Variants in ZMAT4 observed in about 807,000 individuals in gnomAD.
The protein encoded by ZMAT4 is zinc finger matrin-type protein 4.
In ZMAT4, 17 loss-of-function variants were observed where a neutral mutation model predicts 28.7. The observed-to-expected ratio is 0.59, with a 90% CI of 0.41 to 0.89. The LOEUF (loss-of-function observed/expected upper bound fraction) is 0.89, where lower values mean the gene tolerates loss of function less well. Ranked by LOEUF, ZMAT4 falls within the 40% of genes least tolerant of loss-of-function variation. The pLI is 0.00. For missense variants in ZMAT4, 240 were observed against 283.8 expected, an observed-to-expected ratio of 0.85 and a Z score of 1.11; for synonymous variants, 117 against 109.2, an observed-to-expected ratio of 1.07 and a Z score of -0.44.
chr8:40,625,054 C>T (rs67450586), intron 5 of ZMAT4, among the ~76,000 whole-genome samples: 32,624 of 152,084 alleles, frequency 0.21, 3,639 homozygotes, highest in Middle Eastern at 0.27. Flanking sequence ...TCTGAAAAAG[C>T]GACATTTGAG....
At position 40,691,196 on chromosome 8, in the gene ZMAT4, G is replaced by A. The variant is rs149731960; in HGVS notation, c.349+6049C>T. ...TAAATGTGTCTGATTTAATATAAAT[G>A]TTTGATTCATTAACTTTAAACTCAC... On this transcript the variant is annotated intron_variant, in intron 4 of 6. Coordinates refer to ENST00000297737, the MANE Select transcript of ZMAT4 (RefSeq NM_024645.3). Among the ~76,000 whole-genome samples, 519 of 152,204 alleles carry A rather than the reference G, an allele frequency of 3.4e-3. 5 individuals are homozygous for A. The highest frequency in any genetic ancestry group is 0.012 in the African/African-American group (497 of 41,530).
chr8:40,586,116 G>A (rs1405112502), intron 5 of ZMAT4, among the ~76,000 whole-genome samples: 3 of 152,182 alleles, frequency 2.0e-5, no homozygotes, highest in Non-Finnish European at 4.4e-5. Context: ...CAAGAACAAA[G>A]ACAGAGAAGG....
chr8:40,709,137 A>G (rs1810493975), intron 3 of ZMAT4, among the ~76,000 whole-genome samples: 1 of 152,236 alleles, frequency 6.6e-6, no homozygotes, highest in Admixed American at 6.5e-5. Context: ...ATCCTCCTGT[A>G]GACTTTAAAT....
chr8:40,638,726 T>C (rs1372922459), intron 5 of ZMAT4, among the ~76,000 whole-genome samples: 1 of 152,238 alleles, frequency 6.6e-6, no homozygotes, highest in Non-Finnish European at 1.5e-5. Flanking sequence ...AAAAAGTTTC[T>C]GATCCTATGG....
At chr8:40,823,559 T>C (rs1436542953) in intron 2 of ZMAT4, among the ~76,000 whole-genome samples, 1 of 152,128 alleles carries the variant, frequency 6.6e-6, no homozygotes, top group East Asian at 1.9e-4. Context: ...CTGGGGAGGC[T>C]GAGGCAGGAG....
At chr8:40,834,981 G>T (rs1017535855) in intron 1 of ZMAT4, among the ~76,000 whole-genome samples, 4 of 152,238 alleles carry the variant, frequency 2.6e-5, no homozygotes, top group Non-Finnish European at 4.4e-5. Context: ...AATGCACCCA[G>T]CTGATGGGTC....
At chr8:40,658,576 ATTGT>A (rs756905162) in intron 5 of ZMAT4, among the ~76,000 whole-genome samples, 31 of 150,606 alleles carry the variant, frequency 2.1e-4, no homozygotes, top group Non-Finnish European at 3.8e-4. Flanking sequence ...CCATTGGTAC[ATTGT>A]TTAGTTATCA....
At chr8:40,800,483 T>G (rs1814790397) in intron 2 of ZMAT4, among the ~76,000 whole-genome samples, 1 of 152,190 alleles carries the variant, frequency 6.6e-6, no homozygotes, top group Non-Finnish European at 1.5e-5. Context: ...AGCCACATTC[T>G]GGCTTTAAAA....
intron 6 of ZMAT4, 56 bp from the exon 7 acceptor site, chr8:40,532,294 A>G (rs575075918): frequency 6.6e-7 from 1 of 1,511,824 alleles, no homozygotes; most frequent in Non-Finnish European, 9.0e-7. Flanking sequence ...AAATTCCAAC[A>G]CCTCTTTCTC....
At chr8:40,767,844 T>TCTA in intron 2 of ZMAT4, 114 bp from the exon 3 acceptor site, 1 of 788,942 alleles carries the variant, frequency 1.3e-6, no homozygotes, top group Non-Finnish European at 2.0e-6. Flanking sequence ...AGAAGACACT[T>TCTA]CTGCATACTC....
At chr8:40,895,020 T>C (rs997488662) in intron 1 of ZMAT4, among the ~76,000 whole-genome samples, 1 of 152,252 alleles carries the variant, frequency 6.6e-6, no homozygotes. Flanking sequence ...GATATGTTTA[T>C]GATGAAAAGG....
intron 3 of ZMAT4, among the ~76,000 whole-genome samples, chr8:40,717,800 A>G (rs1810921691): frequency 6.6e-6 from 1 of 152,206 alleles, no homozygotes; most frequent in South Asian, 2.1e-4. Context: ...CTACTTTACT[A>G]AAGTTATGGT....
chr8:40,849,055 C>T (rs1405321942), intron 1 of ZMAT4, among the ~76,000 whole-genome samples: 1 of 152,228 alleles, frequency 6.6e-6, no homozygotes, highest in African/African-American at 2.4e-5. Flanking sequence ...GCTGGAGGTG[C>T]CGTCCCATCC....
chr8:40,589,727 C>CCTTCCTTT (rs1563353800), intron 5 of ZMAT4, among the ~76,000 whole-genome samples: 3 of 49,496 alleles, frequency 6.1e-5, no homozygotes, highest in Non-Finnish European at 1.4e-4. Context: ...TTCCTTCTTC[C>CCTTCCTTT]TTTCCTTTCT....
intron 5 of ZMAT4, among the ~76,000 whole-genome samples, chr8:40,602,215 A>G (rs1805422137): frequency 6.6e-6 from 1 of 152,196 alleles, no homozygotes; most frequent in Admixed American, 6.5e-5. Flanking sequence ...ATGGCTGAGT[A>G]GTATTATGTG....
chr8:40,536,982 T>C (rs1802868270), intron 6 of ZMAT4, among the ~76,000 whole-genome samples: 1 of 151,978 alleles, frequency 6.6e-6, no homozygotes, highest in Admixed American at 6.6e-5. Context: ...GAAGATGGCT[T>C]TGTTCTCTGC....
At chr8:40,884,150 G>C (rs1818375047) in intron 1 of ZMAT4, among the ~76,000 whole-genome samples, 1 of 152,100 alleles carries the variant, frequency 6.6e-6, no homozygotes, top group South Asian at 2.1e-4. Context: ...TACTCTCTGA[G>C]AAAAATGAAG....
chr8:40,871,184 T>C (rs888727109), intron 1 of ZMAT4, among the ~76,000 whole-genome samples: 27 of 152,266 alleles, frequency 1.8e-4, no homozygotes, highest in Admixed American at 5.2e-4. Flanking sequence ...GGCACTAGTT[T>C]CTCTTTTACA....
chr8:40,817,403 C>T (rs1815586763), intron 2 of ZMAT4, among the ~76,000 whole-genome samples: 1 of 152,038 alleles, frequency 6.6e-6, no homozygotes, highest in Admixed American at 6.5e-5. Context: ...GGAAAGAACT[C>T]CAGGGGTCAG....
Sources: allele counts gnomAD v4.1 joint callset (sites outside exome capture counted in the v4.1 genomes callset), GRCh38; gene constraint gnomAD v4.1.1; transcripts MANE v1.5; gene names NCBI Gene and HGNC (gene_info 2026-07-23, HGNC 2026-07-21).